The following DCDC2 variants were observed in gnomAD, a reference collection of about 807,000 sequenced individuals.
DCDC2 encodes doublecortin domain-containing protein 2.
DCDC2 carries 40 observed loss-of-function variants against 50.2 expected under a neutral mutation model. The ratio of observed to expected loss-of-function variants is 0.80; its 90% confidence interval spans 0.62 to 1.04. The LOEUF is 1.04. DCDC2 is among the 50% of genes least tolerant of loss of function. The pLI is 0.00. For synonymous variants in DCDC2, 234 were observed against 210.6 expected, an observed-to-expected ratio of 1.11 and a Z score of -0.96; for missense variants, 570 against 581.9, an observed-to-expected ratio of 0.98 and a Z score of 0.21.
At chr6:24,319,618 T>C (rs1307271042) in intron 2 of DCDC2, among the ~76,000 whole-genome samples, 2 of 152,150 alleles carry the variant, frequency 1.3e-5, no homozygotes, top group African/African-American at 4.8e-5. Context: ...TGAAATACAG[T>C]AAAGTGCCAA....
intron 2 of DCDC2, among the ~76,000 whole-genome samples, chr6:24,339,394 T>C (rs1389736796): frequency 1.3e-5 from 2 of 152,170 alleles, no homozygotes; most frequent in Non-Finnish European, 2.9e-5. Context: ...TTGTCTGATA[T>C]ATTCACCATT....
intron 7 of DCDC2, among the ~76,000 whole-genome samples, chr6:24,233,192 T>C (rs1762374440): frequency 6.6e-6 from 1 of 152,228 alleles, no homozygotes; most frequent in Non-Finnish European, 1.5e-5. Context: ...TTAGGTTCAT[T>C]TCCAGAATAG....
intron 7 of DCDC2, among the ~76,000 whole-genome samples, chr6:24,274,215 G>A (rs1285084098): frequency 2.0e-5 from 3 of 152,066 alleles, no homozygotes; most frequent in African/African-American, 4.8e-5. Context: ...TACTTCTTGC[G>A]TTCACAAGGG....
the DCDC2 span, among the ~76,000 whole-genome samples, chr6:24,378,898 G>A: frequency 1.4e-5 from 2 of 144,754 alleles, no homozygotes; most frequent in Non-Finnish European, 1.5e-5. Flanking sequence ...GCTGCAGTGA[G>A]CTATGAGTGT....
rs567159545 is a variant in DCDC2, at chr6:24,182,486, C to T, written c.1024-3854G>A. Among the ~76,000 whole-genome samples, 133 of 151,732 alleles carry T rather than the reference C, an allele frequency of 8.8e-4. No homozygotes were observed. The Middle Eastern group carries it at 0.01, about 12-fold the overall frequency. ...ACAAAAAGTCTCATTCAAAAATGTG[C>T]GAAGTACTTGAATAGACATTTCTGC... On this transcript the variant is annotated intron_variant, in intron 8 of 9. Transcript: ENST00000378454.
intron 7 of DCDC2, among the ~76,000 whole-genome samples, chr6:24,220,862 C>CAGAGAGCA (rs1449001117): frequency 1.9e-4 from 1 of 5,290 alleles, no homozygotes; most frequent in African/African-American, 7.0e-4. Flanking sequence ...AGGAGAGAGA[C>CAGAGAGCA]AGAGAGCAAG....
Position 24,278,077 on chromosome 6 carries a change from C to T in DCDC2, c.894G>A (p.Lys298=), listed in dbSNP as rs754874353. The T allele has an allele frequency of 5.0e-6, 8 of 1,612,294 alleles. No homozygotes were observed. The highest frequency in any genetic ancestry group is 5.9e-6 in the Non-Finnish European group (7 of 1,179,154). ...LTKLKQNVKL[K]NSQETIPNSD... ...TATTTGGAATGGTTTCTTGTGAATT[C>T]TTTAATTTTACATTTTGTTTCAATT... The change falls in exon 7 of 10, where the codon AAG becomes AAA. Residue 298 remains lysine, a synonymous_variant. Coordinates refer to ENST00000378454, the MANE Select transcript of DCDC2 (RefSeq NM_016356.5).
chr6:24,220,109 C>G (rs1762065164), intron 7 of DCDC2, among the ~76,000 whole-genome samples: 1 of 152,078 alleles, frequency 6.6e-6, no homozygotes, highest in African/African-American at 2.4e-5. Flanking sequence ...AACAGTAAGC[C>G]TAAGGTAAAG....
intron 8 of DCDC2, among the ~76,000 whole-genome samples, chr6:24,200,910 G>A (rs1167188516): frequency 2.0e-5 from 3 of 151,216 alleles, no homozygotes; most frequent in Non-Finnish European, 4.4e-5. Context: ...AAAAGACAAA[G>A]AAGGCCATTA....
At chr6:24,194,687 G>A (rs796161116) in intron 8 of DCDC2, among the ~76,000 whole-genome samples, 10 of 152,310 alleles carry the variant, frequency 6.6e-5, no homozygotes, top group South Asian at 2.1e-4. Flanking sequence ...TAAATGGGGC[G>A]TATTGACATA....
In DCDC2 at chr6:24,183,997, G is replaced by A. The variant is rs538102507; in HGVS notation, c.1024-5365C>T. Reference sequence around the variant, plus strand: ...CACCGCTCTGTGCCAAACATCACACGCAGCATTTCATGCAACTCTCACAAT... The same window carrying A: ...CACCGCTCTGTGCCAAACATCACACACAGCATTTCATGCAACTCTCACAAT... On this transcript the variant is annotated intron_variant, in intron 8 of 9. Coordinates refer to ENST00000378454, the MANE Select transcript of DCDC2 (RefSeq NM_016356.5). Among the ~76,000 whole-genome samples, 4 of 152,254 alleles carry A rather than the reference G, an allele frequency of 2.6e-5. No homozygotes were observed. The South Asian group carries it at 6.2e-4, about 24-fold the overall frequency.
upstream of DCDC2, among the ~76,000 whole-genome samples, chr6:24,358,899 A>ATATT (rs1561788477): frequency 0.02 from 430 of 21,466 alleles, 16 homozygotes; most frequent in African/African-American, 0.058. Context: ...TTATATATAT[A>ATATT]ATATATTATA....
intron 8 of DCDC2, among the ~76,000 whole-genome samples, chr6:24,180,005 T>C (rs1195678662): frequency 1.3e-5 from 2 of 151,256 alleles, no homozygotes; most frequent in African/African-American, 4.9e-5. Flanking sequence ...AGGCCAGCTT[T>C]CAGAGCCAAG....
At chr6:24,300,659 G>A (rs1372528402) in intron 4 of DCDC2, among the ~76,000 whole-genome samples, 2 of 152,166 alleles carry the variant, frequency 1.3e-5, no homozygotes, top group African/African-American at 2.4e-5. Flanking sequence ...CCTGAAAGAC[G>A]TAATATGCAA....
At position 24,247,349 on chromosome 6, in the gene DCDC2, A is replaced by AT. The variant is rs1209239175; in HGVS notation, c.922+30699_922+30700insA. ...TTTAACTATTTTTATATATATATAT[A>AT]AAATCACAGCAAATACCCATAACTT... On this transcript the variant is annotated intron_variant, in intron 7 of 9. Coordinates refer to ENST00000378454, the MANE Select transcript of DCDC2 (RefSeq NM_016356.5). 8.6e-5 allele frequency among the ~76,000 whole-genome samples: 13 copies of AT among 151,822 alleles called. No homozygotes were observed. The South Asian group carries it at 1.9e-3, about 22-fold the overall frequency.
chr6:24,187,617 C>T (rs1359496562), intron 8 of DCDC2, among the ~76,000 whole-genome samples: 1 of 152,196 alleles, frequency 6.6e-6, no homozygotes, highest in Non-Finnish European at 1.5e-5. Context: ...AGCCCTGGCA[C>T]TATGGAGGTC....
chr6:24,190,681 G>A (rs970453895), intron 8 of DCDC2, among the ~76,000 whole-genome samples: 2 of 152,138 alleles, frequency 1.3e-5, no homozygotes, highest in Non-Finnish European at 1.5e-5. Flanking sequence ...GTCTACAAAC[G>A]TGACGCCACA....
In DCDC2 at chr6:24,172,007, G is replaced by C. The variant is rs1760789760; in HGVS notation, c.*2723C>G. The C allele has an allele frequency of 6.6e-6, 1 of 152,176 alleles. No individual in the cohort carries two copies. The highest frequency in any genetic ancestry group is 1.5e-5 in the Non-Finnish European group (1 of 68,032). 9.4% of individuals were successfully genotyped at this position (152,176 alleles called of 1,614,324 possible). Reference sequence around the variant, plus strand: ...AAAACAGTACATGAAGCCAAACCAAGATCTTGTCTGTCCACTCACATAAAA... The same window carrying C: ...AAAACAGTACATGAAGCCAAACCAACATCTTGTCTGTCCACTCACATAAAA... On this transcript the variant is annotated 3_prime_UTR_variant, in exon 10 of 10. Transcript: ENST00000378454.
At chr6:24,176,742 TG>T (rs1264199066) in intron 9 of DCDC2, among the ~76,000 whole-genome samples, 1 of 152,222 alleles carries the variant, frequency 6.6e-6, no homozygotes, top group Non-Finnish European at 1.5e-5. Flanking sequence ...GCAGAAATTT[TG>T]TATCATTTGA....
Sources: allele counts gnomAD v4.1 joint callset (sites outside exome capture counted in the v4.1 genomes callset), GRCh38; gene constraint gnomAD v4.1.1; transcripts MANE v1.5; gene names NCBI Gene and HGNC (gene_info 2026-07-23, HGNC 2026-07-21).